ABCC1: variants seen among roughly 807,000 people sequenced by gnomAD.
ABCC1 encodes the protein ATP binding cassette subfamily C member 1 (ABCC1 blood group).
A neutral mutation model predicts 172.9 loss-of-function variants in ABCC1; 83 were observed. That is an observed-to-expected ratio of 0.48 (90% CI 0.40 to 0.58). The LOEUF (loss-of-function observed/expected upper bound fraction) is 0.58, where lower values mean the gene tolerates loss of function less well. ABCC1 is among the 20% of genes least tolerant of loss of function. The pLI, the probability that ABCC1 is intolerant of heterozygous loss-of-function variation, is 0.00. For synonymous variants in ABCC1, 937 were observed against 825.2 expected (o/e 1.14, Z -2.32); for missense variants, 1,817 against 2,002.7 (o/e 0.91, Z 1.77).
intron 13 of ABCC1, among the ~76,000 whole-genome samples, chr16:16,069,313 G>A (rs1466515114): frequency 2.0e-5 from 3 of 152,050 alleles, no homozygotes; most frequent in Non-Finnish European, 4.4e-5. Flanking sequence ...AGTTGAGGCT[G>A]CAGTGAGTCA....
intron 28 of ABCC1, 125 bp downstream of exon 28, chr16:16,134,633 T>G: frequency 9.7e-7 from 1 of 1,028,596 alleles, no homozygotes; most frequent in African/African-American, 1.7e-5. Flanking sequence ...TTCTTTTTTT[T>G]TTTTTTTTTT....
chr16:16,137,790 C>T (rs1000140722), intron 29 of ABCC1, among the ~76,000 whole-genome samples: 1 of 151,848 alleles, frequency 6.6e-6, no homozygotes, highest in Non-Finnish European at 1.5e-5. Context: ...TGGCCTCAAG[C>T]GATCCACCCG....
At chr16:16,105,250 T>G (rs905616931) in intron 20 of ABCC1, 1 of 152,194 alleles carries the variant, frequency 6.6e-6, no homozygotes, top group Non-Finnish European at 1.5e-5. Flanking sequence ...TGTAGAAGGA[T>G]GTAAGATTTT....
At chr16:16,032,390 G>C (rs2048589010) in intron 5 of ABCC1, among the ~76,000 whole-genome samples, 2 of 152,210 alleles carry the variant, frequency 1.3e-5, no homozygotes. Context: ...GCTACTAATA[G>C]TAGAGAATCT....
At chr16:15,957,579 T>A (rs1326170745) in intron 1 of ABCC1, among the ~76,000 whole-genome samples, 1 of 152,092 alleles carries the variant, frequency 6.6e-6, no homozygotes, top group African/African-American at 2.4e-5. Flanking sequence ...ATTATAGGAA[T>A]GACTGTGATT....
intron 12 of ABCC1, among the ~76,000 whole-genome samples, chr16:16,065,849 A>G (rs1489999408): frequency 5.3e-5 from 8 of 152,144 alleles, no homozygotes; most frequent in Non-Finnish European, 1.0e-4. Context: ...AAGCATTTGG[A>G]TTACAGGCAT....
chr16:16,080,989 T>G (rs1430101919), intron 16 of ABCC1, among the ~76,000 whole-genome samples: 2 of 152,130 alleles, frequency 1.3e-5, no homozygotes, highest in Non-Finnish European at 2.9e-5. Flanking sequence ...CTCAGCCTCT[T>G]GAGTAGCTGG....
chr16:16,046,888 C>T (rs1319374282), intron 9 of ABCC1, among the ~76,000 whole-genome samples: 1 of 151,730 alleles, frequency 6.6e-6, no homozygotes, highest in Non-Finnish European at 1.5e-5. Flanking sequence ...GAATTAGACT[C>T]ACCTGGGGAG....
chr16:16,057,838 C>T (rs1390543019), intron 12 of ABCC1, among the ~76,000 whole-genome samples: 4 of 151,976 alleles, frequency 2.6e-5, no homozygotes, highest in Non-Finnish European at 5.9e-5. Flanking sequence ...TACTGTGGTG[C>T]GATCATAGCT....
chr16:16,017,571 G>A (rs1181453218), intron 5 of ABCC1, among the ~76,000 whole-genome samples: 1 of 151,994 alleles, frequency 6.6e-6, no homozygotes, highest in Non-Finnish European at 1.5e-5. Context: ...CCCTACACCT[G>A]CTCCCCAACT....
At chr16:16,064,470 C>T (rs571830835) in intron 12 of ABCC1, among the ~76,000 whole-genome samples, 2 of 152,326 alleles carry the variant, frequency 1.3e-5, no homozygotes, top group South Asian at 4.1e-4. Flanking sequence ...AGATGACCTC[C>T]TCCTTCTGGA....
intron 23 of ABCC1, among the ~76,000 whole-genome samples, chr16:16,115,577 G>T (rs1036056868): frequency 5.3e-5 from 8 of 151,858 alleles, no homozygotes; most frequent in Admixed American, 1.3e-4. Flanking sequence ...AAACTCCTGA[G>T]CTCAGGTGAT....
chr16:16,085,193 CT>C (rs1489319773), intron 17 of ABCC1, among the ~76,000 whole-genome samples: 1 of 152,188 alleles, frequency 6.6e-6, no homozygotes, highest in Non-Finnish European at 1.5e-5. Flanking sequence ...CTCCCTCCTG[CT>C]GTGCTCCATC....
intron 26 of ABCC1, among the ~76,000 whole-genome samples, chr16:16,126,555 TG>T (rs1303322906): frequency 2.6e-5 from 4 of 152,064 alleles, no homozygotes; most frequent in African/African-American, 9.7e-5. Flanking sequence ...GGCTAATTTT[TG>T]TATTTTTAGT....
At chr16:16,046,317 C>G (rs1478010124) in intron 9 of ABCC1, among the ~76,000 whole-genome samples, 1 of 152,004 alleles carries the variant, frequency 6.6e-6, no homozygotes, top group Non-Finnish European at 1.5e-5. Flanking sequence ...CTGCTGTTAA[C>G]ATTCTGTGTT....
In ABCC1 at chr16:16,047,923, G is replaced by C. The variant is rs913618519; in HGVS notation, c.1219-219G>C. ...GGACACCTAGGGTCCCTTGCCAACT[G>C]ATGAGTTCAAGGTTGGGAGGCACTG... On this transcript the variant is annotated intron_variant, in intron 9 of 30. Coordinates refer to ENST00000399410, the MANE Select transcript of ABCC1 (RefSeq NM_004996.4). Among the ~76,000 whole-genome samples, 17 of 151,732 alleles carry C rather than the reference G, an allele frequency of 1.1e-4. 1 individual carries two copies. The Middle Eastern group carries it at 0.014, about 121-fold the overall frequency.
At chr16:15,954,304 G>A (rs1267245752) in intron 1 of ABCC1, among the ~76,000 whole-genome samples, 1 of 152,072 alleles carries the variant, frequency 6.6e-6, no homozygotes, top group Non-Finnish European at 1.5e-5. Flanking sequence ...GTTGGGGATT[G>A]CAAGCGTGAG....
At chr16:15,968,354 T>G (rs2046293792) in intron 1 of ABCC1, among the ~76,000 whole-genome samples, 1 of 151,866 alleles carries the variant, frequency 6.6e-6, no homozygotes, top group African/African-American at 2.4e-5. Context: ...ACAATCTTAT[T>G]GGCAGGTTGA....
intron 26 of ABCC1, among the ~76,000 whole-genome samples, chr16:16,128,868 G>C (rs1298652437): frequency 1.3e-5 from 2 of 152,170 alleles, no homozygotes; most frequent in African/African-American, 4.8e-5. Flanking sequence ...GGTGGCAGGT[G>C]CCTATAATTC....
Sources: allele counts gnomAD v4.1 joint callset (sites outside exome capture counted in the v4.1 genomes callset), GRCh38; gene constraint gnomAD v4.1.1; transcripts MANE v1.5; gene names NCBI Gene and HGNC (gene_info 2026-07-23, HGNC 2026-07-21).